Variants in TCF7L2 observed in about 807,000 individuals in gnomAD.
The protein encoded by TCF7L2 is transcription factor 7 like 2, also known as transcription factor 7-like 2.
In TCF7L2, 23 loss-of-function variants were observed where a neutral mutation model predicts 77.9. The observed-to-expected ratio is 0.30, with a 90% CI of 0.21 to 0.42. The LOEUF is 0.42. TCF7L2 is among the 10% of genes least tolerant of loss of function. TCF7L2 has a pLI of 1.00. For synonymous variants in TCF7L2, 413 were observed against 340.2 expected (o/e 1.21, Z -2.36); for missense variants, 654 against 793.1 (o/e 0.82, Z 2.11).
intron 5 of TCF7L2, among the ~76,000 whole-genome samples, chr10:113,081,801 G>A (rs2059341593): frequency 6.6e-6 from 1 of 152,122 alleles, no homozygotes; most frequent in African/African-American, 2.4e-5. Flanking sequence ...TTGATTTAAT[G>A]TTAGCCAGGT....
intron 4 of TCF7L2, among the ~76,000 whole-genome samples, chr10:112,986,029 G>A (rs7079711): frequency 0.24 from 35,704 of 151,886 alleles, 5,351 homozygotes; most frequent in African/African-American, 0.42. Flanking sequence ...AGGGAGTAAA[G>A]AAGTAGTGGG....
intron 5 of TCF7L2, among the ~76,000 whole-genome samples, chr10:113,044,127 G>C (rs1204988717): frequency 6.6e-6 from 1 of 152,174 alleles, no homozygotes; most frequent in East Asian, 1.9e-4. Flanking sequence ...TGTGTAATGA[G>C]CATGGAGGTG....
At chr10:113,029,917 A>G (rs1445304963) in intron 4 of TCF7L2, among the ~76,000 whole-genome samples, 1 of 152,154 alleles carries the variant, frequency 6.6e-6, no homozygotes, top group Non-Finnish European at 1.5e-5. Context: ...TCTTAAATTC[A>G]CATATAATTC....
intron 5 of TCF7L2, among the ~76,000 whole-genome samples, chr10:113,086,599 G>A (rs2059859806): frequency 1.3e-5 from 2 of 152,178 alleles, no homozygotes; most frequent in Admixed American, 6.5e-5. Flanking sequence ...AAGCTACATG[G>A]CTCTAGAGTC....
chr10:113,055,990 C>T (rs1466055287), intron 5 of TCF7L2, among the ~76,000 whole-genome samples: 1 of 152,148 alleles, frequency 6.6e-6, no homozygotes, highest in Admixed American at 6.5e-5. Context: ...TGATTTTAAG[C>T]AACTCACTTA....
chr10:113,110,369 GTTTTTTTTTTT>G (rs55993335), intron 5 of TCF7L2, among the ~76,000 whole-genome samples: 1 of 126,434 alleles, frequency 7.9e-6, no homozygotes. Flanking sequence ...GTCTACTGGG[GTTTTTTTTTTT>G]TTTTTTTTTT....
At chr10:113,039,004 G>T (rs1158188574) in intron 4 of TCF7L2, among the ~76,000 whole-genome samples, 1 of 152,184 alleles carries the variant, frequency 6.6e-6, no homozygotes, top group Non-Finnish European at 1.5e-5. Flanking sequence ...TTAACTGATG[G>T]ATTAGTGAGT....
At chr10:112,963,221 A>T (rs867467846) in intron 3 of TCF7L2, among the ~76,000 whole-genome samples, 16 of 151,980 alleles carry the variant, frequency 1.1e-4, no homozygotes, top group Admixed American at 7.9e-4. Context: ...GATTTAGACT[A>T]TTTTTTTTAT....
chr10:113,139,110 T>A (rs1467046342), intron 5 of TCF7L2, among the ~76,000 whole-genome samples: 1 of 152,228 alleles, frequency 6.6e-6, no homozygotes, highest in Non-Finnish European at 1.5e-5. Flanking sequence ...CCTGGTGTTT[T>A]TCCACACTCA....
chr10:113,042,836 T>C (rs930916845), intron 5 of TCF7L2, among the ~76,000 whole-genome samples: 9 of 152,368 alleles, frequency 5.9e-5, no homozygotes, highest in African/African-American at 2.2e-4. Flanking sequence ...TCTTTGTTTG[T>C]AAAGGGTGCA....
At chr10:112,987,802 A>G (rs112422560) in intron 4 of TCF7L2, 371 of 174,290 alleles carry the variant, frequency 2.1e-3, no homozygotes, top group African/African-American at 8.4e-3. Flanking sequence ...AGCTGGCATC[A>G]TGGACCACAA....
At chr10:113,144,461 G>A (rs987370970) in intron 7 of TCF7L2, among the ~76,000 whole-genome samples, 26 of 152,064 alleles carry the variant, frequency 1.7e-4, no homozygotes, top group African/African-American at 6.3e-4. Flanking sequence ...TACATATTTT[G>A]GGGCACAGAA....
chr10:113,066,731 C>T (rs61872793), intron 5 of TCF7L2, among the ~76,000 whole-genome samples: 2,923 of 152,344 alleles, frequency 0.019, 37 homozygotes, highest in Non-Finnish European at 0.029. Flanking sequence ...GAAGACCATA[C>T]CAATCACATT....
intron 5 of TCF7L2, chr10:113,129,230 T>G: frequency 1.2e-6 from 1 of 835,194 alleles, no homozygotes; most frequent in African/African-American, 1.8e-5. Context: ...ATCGCAGCCC[T>G]CTCCCTAAGA....
At chr10:113,157,190 C>G (rs758943642) in intron 11 of TCF7L2, among the ~76,000 whole-genome samples, 32 of 152,232 alleles carry the variant, frequency 2.1e-4, no homozygotes, top group Non-Finnish European at 4.3e-4. Flanking sequence ...ATGATCTCGG[C>G]TCACTGCAAC....
chr10:112,994,842 G>A (rs59326375), intron 4 of TCF7L2, among the ~76,000 whole-genome samples: 6,890 of 152,142 alleles, frequency 0.045, 479 homozygotes, highest in African/African-American at 0.16. Context: ...GCTCATGCCT[G>A]TAATCCCAGC....
At chr10:113,007,957 C>A (rs146683898) in intron 4 of TCF7L2, among the ~76,000 whole-genome samples, 2 of 152,158 alleles carry the variant, frequency 1.3e-5, no homozygotes, top group African/African-American at 4.8e-5. Context: ...GAAGCCTGGG[C>A]AGGCAGGCAG....
intron 4 of TCF7L2, among the ~76,000 whole-genome samples, chr10:113,033,100 C>T (rs1463701107): frequency 1.3e-5 from 2 of 151,768 alleles, no homozygotes; most frequent in Non-Finnish European, 2.9e-5. Context: ...GGTTTTTTTT[C>T]CCCCAAGTCA....
At position 112,975,516 on chromosome 10, in the gene TCF7L2, C is replaced by G. The variant is rs148843876; in HGVS notation, c.450+10892C>G. On this transcript the variant is annotated intron_variant, in intron 4 of 13. Coordinates refer to ENST00000627217, the MANE Select transcript of TCF7L2 (RefSeq NM_001146274.2). The stretch of plus-strand genomic sequence containing the variant: ...TTTTATTTGAGACAAGAGTCTCACT[C>G]TATTGCTTAGGCTGGAGTGCAGTGT... Among the ~76,000 whole-genome samples, 560 of 152,266 alleles carry G rather than the reference C, an allele frequency of 3.7e-3. 9 individuals are homozygous for G. The highest frequency in any genetic ancestry group is 0.017 in the East Asian group (89 of 5,184).
Sources: allele counts gnomAD v4.1 joint callset (sites outside exome capture counted in the v4.1 genomes callset), GRCh38; gene constraint gnomAD v4.1.1; transcripts MANE v1.5; gene names NCBI Gene and HGNC (gene_info 2026-07-23, HGNC 2026-07-21).